SYT6: variants seen among roughly 807,000 people sequenced by gnomAD.
The protein encoded by SYT6 is synaptotagmin 6, also known as synaptotagmin-6.
In SYT6, 24 loss-of-function variants were observed where a neutral mutation model predicts 38.4. The ratio of observed to expected loss-of-function variants is 0.62; its 90% CI spans 0.45 to 0.88. The LOEUF is 0.88. Ranked by LOEUF, SYT6 falls within the 40% of genes least tolerant of loss-of-function variation. The pLI, the probability that SYT6 is intolerant of heterozygous loss-of-function variation, is 0.00. For missense variants in SYT6, 611 were observed against 621.0 expected, an observed-to-expected ratio of 0.98 and a Z score of 0.17; for synonymous variants, 265 against 241.9, an observed-to-expected ratio of 1.10 and a Z score of -0.89.
At chr1:114,118,807 G>A (rs576002544) in intron 3 of SYT6, among the ~76,000 whole-genome samples, 19 of 152,284 alleles carry the variant, frequency 1.2e-4, no homozygotes, top group East Asian at 3.9e-4. Context: ...ATCTCCTGTC[G>A]GTGTCAGCTG....
intron 1 of SYT6, among the ~76,000 whole-genome samples, chr1:114,147,924 A>T (rs1269571928): frequency 3.3e-5 from 5 of 152,228 alleles, no homozygotes; most frequent in Non-Finnish European, 7.3e-5. Flanking sequence ...GTGTATACAG[A>T]ACAGACACAA....
chr1:114,135,466 T>G (rs1034875352), intron 3 of SYT6, among the ~76,000 whole-genome samples: 2 of 151,866 alleles, frequency 1.3e-5, no homozygotes, highest in Admixed American at 1.3e-4. Flanking sequence ...CCTGGCACAG[T>G]GTTCTTAGGA....
At chr1:114,149,663 G>C (rs1326815892) in intron 1 of SYT6, among the ~76,000 whole-genome samples, 1 of 152,042 alleles carries the variant, frequency 6.6e-6, no homozygotes, top group Non-Finnish European at 1.5e-5. Context: ...GATGGTAACT[G>C]TACCTTTCTG....
At chr1:114,101,588 G>T (rs1210733687) in intron 4 of SYT6, among the ~76,000 whole-genome samples, 3 of 152,210 alleles carry the variant, frequency 2.0e-5, no homozygotes, top group African/African-American at 7.2e-5. Flanking sequence ...ATTGAGAATA[G>T]GAAGATCCTG....
chr1:114,126,737 C>A (rs1283103755), intron 3 of SYT6, among the ~76,000 whole-genome samples: 1 of 152,232 alleles, frequency 6.6e-6, no homozygotes, highest in Non-Finnish European at 1.5e-5. Context: ...AAAGGCACAG[C>A]ATACTAATGA....
Position 114,129,641 on chromosome 1 carries a change from CTCTT to C in SYT6, c.1071+7850_1071+7853del, listed in dbSNP as rs1200268764. Among the ~76,000 whole-genome samples, 257 of 54,526 alleles carry C rather than the reference CTCTT, an allele frequency of 4.7e-3. 3 individuals are homozygous for C. Among genetic ancestry groups the C allele is most frequent in the African/African-American group, 0.017 (249 of 14,808 alleles). 35.8% of individuals were successfully genotyped at this position (54,526 alleles called of 152,430 possible). A position where few individuals can be genotyped will look rare whatever the true frequency, so the allele number is the denominator to read the frequency against. ...CCTTTCTTTCTTTCTTTCTTTCTTT[CTCTT>C]TCTTTCTTTTTCTTTCTTTCTTTCT... On this transcript the variant is annotated intron_variant, in intron 3 of 7. Coordinates refer to ENST00000610222, the MANE Select transcript of SYT6 (RefSeq NM_001253772.2).
chr1:114,094,206 G>C (rs956050134), intron 6 of SYT6, among the ~76,000 whole-genome samples: 1 of 152,202 alleles, frequency 6.6e-6, no homozygotes, highest in South Asian at 2.1e-4. Context: ...TAAACAAAGG[G>C]AGGAGATGGG....
intron 1 of SYT6, among the ~76,000 whole-genome samples, chr1:114,149,894 T>G (rs1679357397): frequency 6.6e-6 from 1 of 152,138 alleles, no homozygotes; most frequent in Non-Finnish European, 1.5e-5. Context: ...TCATTATACT[T>G]GGAGGGTCCA....
rs1197189357 is a variant in SYT6 at position 114,099,257 on chromosome 1, C to T, written c.1201G>A (p.Val401Met). 4 of 1,611,970 alleles carry T rather than the reference C, an allele frequency of 2.5e-6. No homozygotes were observed. The highest frequency in any genetic ancestry group is 3.4e-6 in the Non-Finnish European group (4 of 1,178,900). The change falls in exon 5 of 8, where the codon GTG becomes ATG. Residue 401 changes from valine (V) to methionine (M), a missense_variant. Physicochemically the swap from Val to Met is conservative, Grantham distance 21 (BLOSUM62 1). Transcript: ENST00000610222. ...MDITGYSDPY[V>M]KVSLLCDGRR... ...CCATCACAGAGCAAGGACACTTTCA[C>T]ATAGGGATCTGTGCCAATGGGGACA...
intron 1 of SYT6, among the ~76,000 whole-genome samples, chr1:114,141,307 A>G (rs1322464736): frequency 1.3e-5 from 2 of 152,272 alleles, no homozygotes; most frequent in African/African-American, 2.4e-5. Context: ...ACAAATGATA[A>G]GAAAGCAAAA....
intron 6 of SYT6, among the ~76,000 whole-genome samples, chr1:114,095,140 G>A (rs1188442338): frequency 6.6e-6 from 1 of 152,154 alleles, no homozygotes; most frequent in African/African-American, 2.4e-5. Context: ...GGCATTCCTG[G>A]GAGCTTGGCC....
intron 3 of SYT6, among the ~76,000 whole-genome samples, chr1:114,114,976 A>G (rs1379168779): frequency 6.6e-6 from 1 of 152,230 alleles, no homozygotes; most frequent in East Asian, 1.9e-4. Flanking sequence ...CACACTGGGT[A>G]TATTTTAGAA....
intron 1 of SYT6, among the ~76,000 whole-genome samples, chr1:114,143,233 ATAAT>A (rs1039846001): frequency 6.7e-6 from 1 of 148,974 alleles, no homozygotes; most frequent in African/African-American, 2.5e-5. Context: ...TGCTATTCTA[ATAAT>A]TCTATTTCTT....
intron 6 of SYT6, among the ~76,000 whole-genome samples, chr1:114,094,051 G>A (rs1277776663): frequency 6.6e-6 from 1 of 152,152 alleles, no homozygotes; most frequent in Admixed American, 6.5e-5. Flanking sequence ...CAGGTCAGAG[G>A]AGAAAACATA....
chr1:114,093,270 GT>G (rs1487238803), intron 7 of SYT6, among the ~76,000 whole-genome samples: 1 of 152,198 alleles, frequency 6.6e-6, no homozygotes, highest in Non-Finnish European at 1.5e-5. Flanking sequence ...AACCCATGAA[GT>G]TCAGGAAGGA....
rs1211753315 is a variant in SYT6 at position 114,093,809 on chromosome 1, G to A, written c.1516-6C>T. ...AATCACAACCGAGGGTTTCCCTGGT[G>A]AAATATTTTAGATAAATAAATGCCT... is the stretch of plus-strand genomic sequence containing the variant. On this transcript the variant is annotated splice_polypyrimidine_tract_variant and splice_region_variant and intron_variant, in intron 6 of 7. Transcript: ENST00000610222. The A allele has an allele frequency of 1.2e-6, 2 of 1,613,954 alleles. No individual in the cohort carries two copies. Among genetic ancestry groups the A allele is most frequent in the African/African-American group, 2.7e-5 (2 of 74,916 alleles).
At chr1:114,132,641 A>C (rs1476813497) in intron 3 of SYT6, among the ~76,000 whole-genome samples, 1 of 152,242 alleles carries the variant, frequency 6.6e-6, no homozygotes, top group Non-Finnish European at 1.5e-5. Context: ...ATAAAAAATG[A>C]ATAATAATGT....
At position 114,108,340 on chromosome 1, in the gene SYT6, T is replaced by C. The variant is rs76531075; in HGVS notation, c.1072-4619A>G. On this transcript the variant is annotated intron_variant, in intron 3 of 7. Transcript: ENST00000610222. ...AACTGATTAAAGCACTTCTCTCTAC[T>C]TGATGCAGTCACATAGTCCTGGGCA... is the stretch of plus-strand genomic sequence containing the variant. Among the ~76,000 whole-genome samples, 912 of 152,292 alleles carry C rather than the reference T, an allele frequency of 6.0e-3. 11 individuals carry two copies. Among genetic ancestry groups the C allele is most frequent in the African/African-American group, 0.021 (882 of 41,544 alleles).
Position 114,103,721 on chromosome 1 carries a change from C to T in SYT6, c.1072G>A (p.Glu358Lys), listed in dbSNP as rs1292986717. The T allele has an allele frequency of 1.2e-5, 19 of 1,613,072 alleles. No individual in the cohort carries two copies. Among genetic ancestry groups the T allele is most frequent in the Non-Finnish European group, 1.6e-5 (19 of 1,179,594 alleles). The stretch of plus-strand genomic sequence containing the variant: ...ATGATCTCTCCCAAGTCCACGCTTT[C>T]CTGCAAAGAAGCACACAAGAGGGCA... ...IWKDIQYATS[E>K]SVDLGEIMFS... The change falls in exon 4 of 8, where the codon GAA (glutamate) becomes AAA (lysine). Residue 358 changes from glutamate (E) to lysine (K), a missense_variant and splice_region_variant. Transcript: ENST00000610222.
Sources: allele counts gnomAD v4.1 joint callset (sites outside exome capture counted in the v4.1 genomes callset), GRCh38; gene constraint gnomAD v4.1.1; transcripts MANE v1.5; gene names NCBI Gene and HGNC (gene_info 2026-07-23, HGNC 2026-07-21).